Variants in SLC12A1 observed in about 807,000 individuals in gnomAD.
The protein encoded by SLC12A1 is Na-K-2Cl cotransporter.
A neutral mutation model predicts 130.4 loss-of-function variants in SLC12A1; 89 were observed. That is an observed-to-expected ratio of 0.68 (90% CI 0.58 to 0.81). The LOEUF is 0.81. Ranked by LOEUF, SLC12A1 falls within the 40% of genes least tolerant of loss-of-function variation. The probability of loss-of-function intolerance (pLI) is 0.00; values close to 1 mark genes in which losing one functional copy is unlikely to be tolerated. For missense variants in SLC12A1, 1,310 were observed against 1,336.4 expected, an observed-to-expected ratio of 0.98 and a Z score of 0.31; for synonymous variants, 499 against 460.0, an observed-to-expected ratio of 1.08 and a Z score of -1.09.
chr15:48,266,976 A>G, intron 17 of SLC12A1, among the ~76,000 whole-genome samples: 1 of 152,194 alleles, frequency 6.6e-6, no homozygotes, highest in Non-Finnish European at 1.5e-5. Context: ...TCATTGAATG[A>G]CAAGGAAATG....
At position 48,251,628 on chromosome 15, in the gene SLC12A1, G is replaced by T. The variant is rs150580542; in HGVS notation, c.1800G>T (p.Ala600=). 6.2e-7 allele frequency: 1 copy of T among 1,613,518 alleles called. No homozygotes were observed. The highest frequency in any genetic ancestry group is 8.5e-7 in the Non-Finnish European group (1 of 1,179,640). Residue 600 remains alanine, a synonymous_variant, in exon 15 of 27, where the codon GCG becomes GCT. Transcript: ENST00000380993. ...SYAKSPGWRP[A]YGIYNMWVSL... is the part of the protein sequence containing the mutation. ...TTTTGTTTTCAGGATGGAGACCTGC[G>T]TATGGAATTTACAACATGTGGGTAT...
chr15:48,246,765 G>A, intron 11 of SLC12A1, 144 bp from the exon 12 acceptor site: 1 of 715,554 alleles, frequency 1.4e-6, no homozygotes, highest in Non-Finnish European at 2.5e-6. Flanking sequence ...GGGCGATAGA[G>A]CGAGACTGTC....
intron 16 of SLC12A1, 84 bp downstream of exon 16, chr15:48,255,994 T>C: frequency 1.2e-6 from 1 of 826,524 alleles, no homozygotes; most frequent in East Asian, 2.7e-5. Context: ...ATTCAAGTAG[T>C]TATAAGCTTT....
At chr15:48,245,153 G>T (rs1296491353) in intron 11 of SLC12A1, among the ~76,000 whole-genome samples, 1 of 152,200 alleles carries the variant, frequency 6.6e-6, no homozygotes, top group Non-Finnish European at 1.5e-5. Flanking sequence ...TCATCTCCTG[G>T]CACTATGTGT....
At chr15:48,271,046 A>AGTTCCAG (rs2141092915) in intron 19 of SLC12A1, among the ~76,000 whole-genome samples, 1 of 151,408 alleles carries the variant, frequency 6.6e-6, no homozygotes, top group South Asian at 2.1e-4. Context: ...CAACATGGTG[A>AGTTCCAG]AACCCCGTCT....
chr15:48,269,559 G>A (rs1395192551), intron 18 of SLC12A1, 99 bp from the exon 19 acceptor site: 1 of 608,292 alleles, frequency 1.6e-6, no homozygotes, highest in Non-Finnish European at 3.0e-6. Context: ...AGGATCTTCA[G>A]AACATTACTT....
At chr15:48,276,571 C>A (rs2041956240) in intron 20 of SLC12A1, among the ~76,000 whole-genome samples, 1 of 152,128 alleles carries the variant, frequency 6.6e-6, no homozygotes, top group Admixed American at 6.5e-5. Context: ...AGGAATGAGG[C>A]CTCAGAATAA....
intron 11 of SLC12A1, among the ~76,000 whole-genome samples, chr15:48,246,212 G>C (rs1483329481): frequency 2.0e-5 from 3 of 152,142 alleles, no homozygotes; most frequent in Non-Finnish European, 4.4e-5. Context: ...AAAAGCCTCT[G>C]TGTGCAGGAA....
At chr15:48,263,879 G>C (rs1938675600) in intron 17 of SLC12A1, among the ~76,000 whole-genome samples, 1 of 152,026 alleles carries the variant, frequency 6.6e-6, no homozygotes, top group Non-Finnish European at 1.5e-5. Context: ...TTTTTGTAGA[G>C]ACAGGGTTTT....
At chr15:48,301,263 C>A in intron 25 of SLC12A1, 52 bp from the exon 26 acceptor site, 2 of 1,169,380 alleles carry the variant, frequency 1.7e-6, no homozygotes, top group Non-Finnish European at 2.5e-6. Context: ...AATAAATTCT[C>A]ATTCATAATT....
chr15:48,267,895 C>T (rs2041850312), intron 18 of SLC12A1, among the ~76,000 whole-genome samples, 194 bp downstream of exon 18: 1 of 152,116 alleles, frequency 6.6e-6, no homozygotes, highest in Non-Finnish European at 1.5e-5. Context: ...TTACAATGAA[C>T]TATGAATGAT....
At chr15:48,296,117 G>T (rs966345860) in intron 24 of SLC12A1, among the ~76,000 whole-genome samples, 7 of 152,150 alleles carry the variant, frequency 4.6e-5, no homozygotes, top group South Asian at 2.1e-4. Context: ...CCTCGGCCGG[G>T]CAGCCCTTAC....
chr15:48,244,521 C>A (rs2041555095), intron 10 of SLC12A1, among the ~76,000 whole-genome samples: 1 of 152,152 alleles, frequency 6.6e-6, no homozygotes. Context: ...ACTCCCAAGT[C>A]TCTTACCACT....
At chr15:48,253,308 A>G (rs1481117470) in intron 15 of SLC12A1, among the ~76,000 whole-genome samples, 4 of 152,242 alleles carry the variant, frequency 2.6e-5, no homozygotes, top group African/African-American at 7.2e-5. Flanking sequence ...TATTTCCATC[A>G]TCCTCACAAG....
intron 26 of SLC12A1, 63 bp downstream of exon 26, chr15:48,301,445 C>T: frequency 8.9e-7 from 1 of 1,126,296 alleles, no homozygotes; most frequent in Non-Finnish European, 1.2e-6. Context: ...TGGGTTAATC[C>T]ATTTAAAAGC....
Position 48,226,484 on chromosome 15 carries a change from G to A in SLC12A1, c.637G>A (p.Val213Ile). Reference sequence around the variant, plus strand: ...TCTTTCATTGCTAACAGGTCTTGGAGTTCTCATAATTCTTCTTTCCACCAT... The same window carrying A: ...TCTTTCATTGCTAACAGGTCTTGGAATTCTCATAATTCTTCTTTCCACCAT... ...IVGEAGIGLG[V>I]LIILLSTMVT... Residue 213 changes from valine (V) to isoleucine (I), a missense_variant, in exon 5 of 27, where the codon GTT becomes ATT. Physicochemically the swap from Val to Ile is conservative, Grantham distance 29. Coordinates refer to ENST00000380993, the MANE Select transcript of SLC12A1 (RefSeq NM_000338.3). 6.3e-7 allele frequency: 1 copy of A among 1,586,310 alleles called. No homozygotes were observed. Among genetic ancestry groups the A allele is most frequent in the Non-Finnish European group, 8.6e-7 (1 of 1,163,576 alleles).
chr15:48,301,502 T>TGCGGGGGGG lies in SLC12A1; in HGVS notation c.3164+121_3164+122insCGGGGGGGG, dbSNP rs60810487. The TGCGGGGGGG allele has an allele frequency of 3.5e-4, 154 of 439,466 alleles. 3 individuals are homozygous for TGCGGGGGGG. The highest frequency in any genetic ancestry group is 3.4e-3 in the African/African-American group (123 of 36,242). 27.2% of individuals were successfully genotyped at this position (439,466 alleles called of 1,614,324 possible). A position where few individuals can be genotyped will look rare whatever the true frequency, so the allele number is the denominator to read the frequency against. On this transcript the variant is annotated intron_variant, in intron 26 of 26. Coordinates refer to ENST00000380993, the MANE Select transcript of SLC12A1 (RefSeq NM_000338.3). ...TTTTGTTTTGTTTTTGTGTTTTTTT[T>TGCGGGGGGG]GGGGGGGGGAACACGTGGGATTCTT... is the stretch of plus-strand genomic sequence containing the variant.
Position 48,288,415 on chromosome 15 carries a change from T to C in SLC12A1, c.2772T>C (p.Leu924=), listed in dbSNP as rs1237468664. The change falls in exon 23 of 27, where the codon CTT becomes CTC. Residue 924 remains leucine, a synonymous_variant. Transcript: ENST00000380993. ...TATTCTTTATTCCAGGGTTAACACT[T>C]CTTATCCCCTATATCTTAACTCTCA... ...WWLFDDGGLT[L]LIPYILTLRK... The C allele has an allele frequency of 1.3e-6, 2 of 1,488,020 alleles. No homozygotes were observed. The highest frequency in any genetic ancestry group is 3.9e-5 in the Admixed American group (2 of 50,976). The allele number at this position is 1,488,020 out of a possible 1,614,324, so 92.2% of individuals were successfully genotyped here.
chr15:48,255,764 G>C, intron 15 of SLC12A1, 47 bp from the exon 16 acceptor site: 1 of 1,179,752 alleles, frequency 8.5e-7, no homozygotes, highest in Non-Finnish European at 1.2e-6. Context: ...ATGGTGCACA[G>C]AGGAAAGGTC....
Sources: allele counts gnomAD v4.1 joint callset (sites outside exome capture counted in the v4.1 genomes callset), GRCh38; gene constraint gnomAD v4.1.1; transcripts MANE v1.5; gene names NCBI Gene and HGNC (gene_info 2026-07-23, HGNC 2026-07-21).